SLC49A3: variants seen among roughly 807,000 people sequenced by gnomAD.
SLC49A3 encodes the protein solute carrier family 49 member A3.
SLC49A3 carries 50 observed loss-of-function variants against 43.8 expected under a neutral mutation model. The ratio of observed to expected loss-of-function variants is 1.14; its 90% CI spans 0.91 to 1.45. The LOEUF is 1.45. Among genes scored for constraint, SLC49A3 ranks in the 40% most tolerant of loss-of-function variants. The probability of loss-of-function intolerance (pLI) is 0.00; values close to 1 mark genes in which losing one functional copy is unlikely to be tolerated. For synonymous variants in SLC49A3, 413 were observed against 352.0 expected (o/e 1.17, Z -1.94); for missense variants, 906 against 774.1 (o/e 1.17, Z -2.02).
In SLC49A3 at chr4:683,682, C is replaced by T. The variant is rs139230183; in HGVS notation, c.920G>A (p.Arg307Gln). The change falls in exon 7 of 10, where the codon CGG becomes CAG. Residue 307 changes from arginine to glutamine, a missense_variant. By Grantham distance (43) the Arg-to-Gln change is conservative. Coordinates refer to ENST00000322224, the MANE Select transcript of SLC49A3 (RefSeq NM_032219.4). ...GGTGGCCTCAGTGAAGTGCTTGGTC[C>T]GGTCCACATAGGGGCCGAGAGCCAG... Reference protein sequence around the residue: ...GALALGPYVDRTKHFTEATKI... With the variant: ...GALALGPYVDQTKHFTEATKI... 1,146 of 1,609,174 alleles carry T rather than the reference C, an allele frequency of 7.1e-4. 8 individuals are homozygous for T. Among genetic ancestry groups the T allele is most frequent in the South Asian group, 6.0e-3 (543 of 90,196 alleles).
intron 8 of SLC49A3, 125 bp from the exon 9 acceptor site, chr4:683,015 C>T: frequency 9.0e-7 from 1 of 1,111,086 alleles, no homozygotes; most frequent in Non-Finnish European, 1.3e-6. Flanking sequence ...CAGCACGCAG[C>T]CTCGGTCATG....
At chr4:681,493 A>AC (rs1428020019), downstream of SLC49A3, among the ~76,000 whole-genome samples, 3 of 105,938 alleles carry the variant, frequency 2.8e-5, no homozygotes, top group Non-Finnish European at 5.6e-5. Flanking sequence ...ATGCCGGGCC[A>AC]CCCCTCAGGA....
rs1268298995 is a variant in SLC49A3 at position 685,429 on chromosome 4, G to C, written c.585+406C>G. 1.3e-5 allele frequency among the ~76,000 whole-genome samples: 2 copies of C among 151,926 alleles called. No individual in the cohort carries two copies. Among genetic ancestry groups the C allele is most frequent in the Non-Finnish European group, 2.9e-5 (2 of 68,002 alleles). On this transcript the variant is annotated intron_variant, in intron 4 of 9. Transcript: ENST00000322224. This position sits in a 1 kb window ranked among gnomAD's most constrained non-coding sequence, Gnocchi z 4.3. ...AAACATCACACACTGGCCGGGCGCGGTGGCTCACGCCTGTCATCCTAGCAC... is the reference window on the plus strand; with the variant it reads ...AAACATCACACACTGGCCGGGCGCGCTGGCTCACGCCTGTCATCCTAGCAC...
chr4:684,694 A>G, intron 5 of SLC49A3, 25 bp downstream of exon 5: 1 of 1,605,508 alleles, frequency 6.2e-7, no homozygotes, highest in East Asian at 2.2e-5. Flanking sequence ...AATCCACCCT[A>G]CCCCGGGGAT....
chr4:680,439 T>A, downstream of SLC49A3: 1 of 1,497,526 alleles, frequency 6.7e-7, no homozygotes, highest in Non-Finnish European at 9.3e-7. Flanking sequence ...TCTCCCCTCC[T>A]GCCATCTGCC....
chr4:678,830 T>G (rs1739127537), downstream of SLC49A3: 2 of 1,607,470 alleles, frequency 1.2e-6, no homozygotes, highest in Admixed American at 3.4e-5. Flanking sequence ...AGACCCCATG[T>G]GGGCTGGCTC....
At chr4:679,958 G>A (rs1227210219), downstream of SLC49A3, 1 of 1,613,818 alleles carries the variant, frequency 6.2e-7, no homozygotes, top group South Asian at 1.1e-5. Flanking sequence ...CATGCTCAAA[G>A]AGGCCTCGGG....
At chr4:683,573 C>A (rs763926097) in intron 7 of SLC49A3, 36 bp downstream of exon 7, 3 of 1,583,640 alleles carry the variant, frequency 1.9e-6, no homozygotes, top group Admixed American at 3.6e-5. Flanking sequence ...ACCCACCCAC[C>A]CCCACAGGGC....
At chr4:678,012 C>T, downstream of SLC49A3, 1 of 1,612,472 alleles carries the variant, frequency 6.2e-7, no homozygotes. Context: ...CGCATCAAAG[C>T]AGGCAGAAGC....
intron 4 of SLC49A3, 102 bp from the exon 5 acceptor site, chr4:684,958 C>T: frequency 6.9e-7 from 1 of 1,456,672 alleles, no homozygotes; most frequent in Admixed American, 2.7e-5. Context: ...CCTCCTGCCC[C>T]ACCACCGGCT....
At chr4:683,046 C>A (rs1362664058) in intron 8 of SLC49A3, among the ~76,000 whole-genome samples, 156 bp from the exon 9 acceptor site, 1 of 152,186 alleles carries the variant, frequency 6.6e-6, no homozygotes, top group Admixed American at 6.5e-5. Context: ...GCCGGCCCGG[C>A]CTGCACACAG....
downstream of SLC49A3, chr4:677,973 G>A: frequency 1.2e-6 from 2 of 1,613,254 alleles, no homozygotes; most frequent in East Asian, 2.2e-5. Flanking sequence ...AGGAGCTTAA[G>A]ATGGGCAAGA....
At chr4:678,109 G>C, downstream of SLC49A3, 4 of 1,590,220 alleles carry the variant, frequency 2.5e-6, no homozygotes, top group Non-Finnish European at 3.4e-6. Context: ...GCACAGACGA[G>C]CGTGGGCGTG....
chr4:679,762 A>C (rs2109344829), downstream of SLC49A3: 2 of 645,050 alleles, frequency 3.1e-6, no homozygotes, highest in East Asian at 2.8e-5. Context: ...AGCCAGATGC[A>C]CCCACTGCCC....
upstream of SLC49A3, among the ~76,000 whole-genome samples, chr4:690,198 G>C (rs148358157): frequency 6.9e-4 from 105 of 152,052 alleles, 1 homozygote; most frequent in African/African-American, 2.3e-3. Context: ...GTCTCAGATA[G>C]AGCTCTCCAC....
chr4:678,178 A>G (rs1577329517), downstream of SLC49A3: 4 of 1,538,024 alleles, frequency 2.6e-6, no homozygotes, highest in Non-Finnish European at 3.5e-6. Flanking sequence ...ATGTGTGTGC[A>G]TGAGCGTGTG....
downstream of SLC49A3, among the ~76,000 whole-genome samples, chr4:679,420 G>A (rs535639622): frequency 1.3e-5 from 2 of 151,980 alleles, no homozygotes; most frequent in African/African-American, 2.4e-5. Flanking sequence ...GACAGAGGGC[G>A]TGGAGACGCT....
At chr4:678,660 C>T (rs903310234), downstream of SLC49A3, 27 of 1,606,014 alleles carry the variant, frequency 1.7e-5, no homozygotes, top group Non-Finnish European at 2.2e-5. Flanking sequence ...CACCGCAGGC[C>T]AGCAGGAAGA....
chr4:678,920 C>A (rs761139370), downstream of SLC49A3: 23 of 1,611,742 alleles, frequency 1.4e-5, no homozygotes, highest in Non-Finnish European at 2.0e-5. Context: ...AGAGCCCAGC[C>A]GGGTTGGCAG....
Sources: allele counts gnomAD v4.1 joint callset (sites outside exome capture counted in the v4.1 genomes callset), GRCh38; gene constraint gnomAD v4.1.1; non-coding constraint Gnocchi (gnomAD v3.1); transcripts MANE v1.5; gene names NCBI Gene and HGNC (gene_info 2026-07-23, HGNC 2026-07-21).